Variants in WDFY3 observed in about 807,000 individuals in gnomAD.
The protein encoded by WDFY3 is WD repeat and FYVE domain containing 3, also known as WD repeat and FYVE domain-containing protein 3.
WDFY3 carries 66 observed loss-of-function variants against 409.6 expected under a neutral mutation model. The observed-to-expected ratio is 0.16, with a 90% confidence interval of 0.13 to 0.20. WDFY3 has a LOEUF of 0.20. WDFY3 is among the 10% of genes least tolerant of loss of function. WDFY3 has a pLI of 1.00. For synonymous variants in WDFY3, 1,521 were observed against 1,537.1 expected (o/e 0.99, Z 0.25); for missense variants, 3,031 against 4,298.1 (o/e 0.71, Z 8.24).
intron 67 of WDFY3, 65 bp downstream of exon 67, chr4:84,677,134 A>G: frequency 6.3e-7 from 1 of 1,582,692 alleles, no homozygotes; most frequent in Non-Finnish European, 8.6e-7. Flanking sequence ...ACCTGTGTGC[A>G]GGACATAATT....
chr4:84,961,275 C>T (rs929512173), intron 1 of WDFY3, among the ~76,000 whole-genome samples: 1 of 150,212 alleles, frequency 6.7e-6, no homozygotes, highest in Non-Finnish European at 1.5e-5. Flanking sequence ...ACTAACTTGA[C>T]AGTCCTCAAG....
At chr4:84,901,750 A>G (rs1705457370) in intron 2 of WDFY3, among the ~76,000 whole-genome samples, 2 of 152,204 alleles carry the variant, frequency 1.3e-5, no homozygotes, top group Non-Finnish European at 2.9e-5. Flanking sequence ...GGAAGATGAG[A>G]TCCGAAAGTG....
intron 3 of WDFY3, among the ~76,000 whole-genome samples, chr4:84,864,119 C>A (rs536486459): frequency 6.6e-6 from 1 of 152,216 alleles, no homozygotes; most frequent in South Asian, 2.1e-4. Flanking sequence ...GTAATCCCAG[C>A]ATTTTGGGAG....
At chr4:84,788,527 C>T (rs1242596340) in intron 22 of WDFY3, among the ~76,000 whole-genome samples, 1 of 152,146 alleles carries the variant, frequency 6.6e-6, no homozygotes, top group East Asian at 1.9e-4. Context: ...AATCTACAAA[C>T]CCATTTCAAA....
intron 27 of WDFY3, among the ~76,000 whole-genome samples, chr4:84,776,884 T>A (rs1274747292): frequency 1.3e-5 from 2 of 151,910 alleles, no homozygotes; most frequent in Non-Finnish European, 2.9e-5. Context: ...AAGAATGAGG[T>A]CCCAAGGGTA....
At chr4:84,689,422 A>G (rs1249073386) in intron 61 of WDFY3, among the ~76,000 whole-genome samples, 2 of 152,168 alleles carry the variant, frequency 1.3e-5, no homozygotes, top group Non-Finnish European at 2.9e-5. Flanking sequence ...AATGGAAAAT[A>G]TTTTTAAGCA....
At chr4:84,800,727 T>C (rs1750371473) in intron 17 of WDFY3, among the ~76,000 whole-genome samples, 1 of 152,208 alleles carries the variant, frequency 6.6e-6, no homozygotes, top group Admixed American at 6.5e-5. Flanking sequence ...AGAATGAAAC[T>C]GTTCCACCTC....
At chr4:84,833,408 G>A (rs950295769) in intron 7 of WDFY3, among the ~76,000 whole-genome samples, 2 of 152,114 alleles carry the variant, frequency 1.3e-5, no homozygotes, top group African/African-American at 4.8e-5. Flanking sequence ...AGGTGTGGTG[G>A]CTCATGCCTG....
intron 1 of WDFY3, among the ~76,000 whole-genome samples, chr4:84,936,888 T>A (rs540220154): frequency 6.6e-6 from 1 of 152,052 alleles, no homozygotes; most frequent in South Asian, 2.1e-4. Context: ...CTACTAGATG[T>A]TACATGCCTA....
chr4:84,728,507 A>G (rs556175258), intron 44 of WDFY3, among the ~76,000 whole-genome samples: 1 of 152,254 alleles, frequency 6.6e-6, no homozygotes, highest in African/African-American at 2.4e-5. Flanking sequence ...CAGCCTGGGC[A>G]ACAGAGCGAT....
At chr4:84,957,564 T>C (rs1424392886) in intron 1 of WDFY3, among the ~76,000 whole-genome samples, 6 of 152,176 alleles carry the variant, frequency 3.9e-5, no homozygotes, top group South Asian at 2.1e-4. Flanking sequence ...CATGAAAGCC[T>C]GCAACAAGAA....
chr4:84,881,649 G>A (rs1177436066), intron 3 of WDFY3, among the ~76,000 whole-genome samples: 1 of 151,874 alleles, frequency 6.6e-6, no homozygotes, highest in Non-Finnish European at 1.5e-5. Flanking sequence ...CACTTTGGGA[G>A]GGCGAGGCAA....
In WDFY3 at chr4:84,836,930, T is replaced by G; in HGVS notation, c.575A>C (p.Gln192Pro). The G allele has an allele frequency of 6.4e-7, 1 of 1,567,482 alleles. No homozygotes were observed. Among genetic ancestry groups the G allele is most frequent in the Non-Finnish European group, 8.6e-7 (1 of 1,156,126 alleles). Residue 192 changes from glutamine (Q) to proline (P), a missense_variant and splice_region_variant, in exon 7 of 68, where the codon CAG becomes CCG. Coordinates refer to ENST00000295888, the MANE Select transcript of WDFY3 (RefSeq NM_014991.6). Reference sequence around the variant, plus strand: ...GTAGGCAAATAGCACCTTTCATACCTGTACAAAAACTTTCTGGAGTAGTCC... The same window carrying G: ...GTAGGCAAATAGCACCTTTCATACCGGTACAAAAACTTTCTGGAGTAGTCC... The part of the protein sequence containing the change: ...RRGLLQKVFV[Q>P]ILVKLCSFVS...
At chr4:84,930,948 T>C (rs182727793) in intron 2 of WDFY3, among the ~76,000 whole-genome samples, 483 of 152,344 alleles carry the variant, frequency 3.2e-3, no homozygotes, top group African/African-American at 0.011. Context: ...GATATTTTGA[T>C]AGAAACCACA....
rs999426306 is a variant in WDFY3 at position 84,751,519 on chromosome 4, G to C, written c.5937C>G (p.Ala1979=). 1 of 1,614,190 alleles carries C rather than the reference G, an allele frequency of 6.2e-7. No individual in the cohort carries two copies. The highest frequency in any genetic ancestry group is 1.3e-5 in the African/African-American group (1 of 75,052). Reference sequence around the variant, plus strand: ...GATCAATTAGTGGAGTTTGCTTGCTGGCAGGAGTGAGACAGAGGTTGTCTA... The same window carrying C: ...GATCAATTAGTGGAGTTTGCTTGCTCGCAGGAGTGAGACAGAGGTTGTCTA... The part of the protein sequence containing the change: ...LIIDNLCLTP[A]SKQTPLIDLL... Residue 1979 remains alanine, a synonymous_variant, in exon 36 of 68, where the codon GCC becomes GCG. Transcript: ENST00000295888.
chr4:84,733,736 A>T, intron 43 of WDFY3, 127 bp from the exon 44 acceptor site: 1 of 909,076 alleles, frequency 1.1e-6, no homozygotes, highest in East Asian at 2.6e-5. Flanking sequence ...AGTTAACATT[A>T]TAAAAGTAAA....
chr4:84,685,541 T>C (rs1340680571), intron 62 of WDFY3, among the ~76,000 whole-genome samples: 4 of 152,162 alleles, frequency 2.6e-5, no homozygotes, highest in African/African-American at 7.2e-5. Context: ...CAAGAGAAAA[T>C]TGCTCCATTC....
chr4:84,917,013 A>G (rs750936375), intron 2 of WDFY3, among the ~76,000 whole-genome samples: 1 of 152,184 alleles, frequency 6.6e-6, no homozygotes, highest in Non-Finnish European at 1.5e-5. Flanking sequence ...AACGAAGTAT[A>G]TATCTATGAA....
chr4:84,743,655 G>T, intron 37 of WDFY3, 45 bp downstream of exon 37: 1 of 1,443,518 alleles, frequency 6.9e-7, no homozygotes, highest in South Asian at 1.4e-5. Context: ...GCTTAGAGAG[G>T]AAAGTGATTA....
Sources: allele counts gnomAD v4.1 joint callset (sites outside exome capture counted in the v4.1 genomes callset), GRCh38; gene constraint gnomAD v4.1.1; transcripts MANE v1.5; gene names NCBI Gene and HGNC (gene_info 2026-07-23, HGNC 2026-07-21).